The following NHSL2 variants were observed in gnomAD, a reference collection of about 807,000 sequenced individuals.
The protein encoded by NHSL2 is NHS like 2, also known as NHS-like protein 2.
In NHSL2, 27 loss-of-function variants were observed where a neutral mutation model predicts 53.4. That is an observed-to-expected ratio of 0.51 (90% CI 0.37 to 0.70). The LOEUF (loss-of-function observed/expected upper bound fraction) is 0.70, where lower values mean the gene tolerates loss of function less well. Among genes scored for constraint, NHSL2 ranks in the 30% least tolerant of loss-of-function variants. The pLI is 0.00. For missense variants in NHSL2, 892 were observed against 980.1 expected, an observed-to-expected ratio of 0.91 and a Z score of 1.20; for synonymous variants, 408 against 404.1, an observed-to-expected ratio of 1.01 and a Z score of -0.12.
chrX:72,104,210 C>A (rs1280961878), intron 1 of NHSL2, among the ~76,000 whole-genome samples: 1 of 109,446 alleles, frequency 9.1e-6, no homozygotes, highest in Non-Finnish European at 1.9e-5. Context: ...GTCCCATTCA[C>A]GACTACTTCA....
intron 1 of NHSL2, among the ~76,000 whole-genome samples, chrX:71,950,441 A>T (rs1221123995): frequency 8.9e-6 from 1 of 112,635 alleles, no homozygotes; most frequent in East Asian, 2.8e-4. Context: ...CTGGAAAAAA[A>T]GCAGAGTGAG....
chrX:72,015,806 T>C (rs1209800309), intron 1 of NHSL2, among the ~76,000 whole-genome samples: 2 of 112,658 alleles, frequency 1.8e-5, no homozygotes, highest in African/African-American at 3.2e-5. Context: ...TACCTGTCCA[T>C]ATACTTTGCC....
At chrX:72,004,953 G>A (rs960591378) in intron 1 of NHSL2, among the ~76,000 whole-genome samples, 3 of 111,197 alleles carry the variant, frequency 2.7e-5, no homozygotes, top group Non-Finnish European at 5.7e-5. Flanking sequence ...GTTATGGAAG[G>A]CGAGGCATTC....
chrX:72,072,555 C>T (rs191436968), intron 1 of NHSL2, among the ~76,000 whole-genome samples: 51 of 111,837 alleles, frequency 4.6e-4, no homozygotes, highest in African/African-American at 1.6e-3. Flanking sequence ...TTCAGCATTA[C>T]CATGCTTTCA....
chrX:71,942,177 GC>G (rs1602270186), intron 1 of NHSL2, among the ~76,000 whole-genome samples: 2 of 111,975 alleles, frequency 1.8e-5, no homozygotes, highest in African/African-American at 6.5e-5. Flanking sequence ...AGGATTTGAG[GC>G]CCCACTGTGA....
chrX:71,922,248 G>T lies in NHSL2; in HGVS notation c.280+10881G>T, dbSNP rs142967024. Among the ~76,000 whole-genome samples, 36 of 112,271 alleles carry T rather than the reference G, an allele frequency of 3.2e-4. No individual in the cohort carries two copies. The East Asian group carries it at 7.6e-3, about 24-fold the overall frequency. On this transcript the variant is annotated intron_variant, in intron 1 of 7. Transcript: ENST00000633930. ...GAAAGGAAGAGGACTGGGGCAAAGG[G>T]ATCTCTGGGTAGGTGGCTGTGTGTT...
chrX:72,129,759 G>T, intron 1 of NHSL2: 1 of 1,017,136 alleles, frequency 9.8e-7, no homozygotes, highest in Non-Finnish European at 1.3e-6. Flanking sequence ...AATGGGGCAG[G>T]TATGGCAGCA....
chrX:72,077,723 C>T, intron 1 of NHSL2, among the ~76,000 whole-genome samples: 1 of 112,712 alleles, frequency 8.9e-6, no homozygotes, highest in South Asian at 3.6e-4. Flanking sequence ...CCACCTCCAG[C>T]CCAGAGGGAT....
At chrX:72,133,827 T>G in intron 2 of NHSL2, 1 of 279,224 alleles carries the variant, frequency 3.6e-6, no homozygotes, top group Non-Finnish European at 6.3e-6. Context: ...GCACTCAAGG[T>G]GGGGATCATT....
At position 72,148,835 on chromosome X, in the gene NHSL2, A is replaced by AGTGTGTGTGTGT. The variant is rs1176922210; in HGVS notation, c.*5265_*5266insGTGTGTGTGTGT. 3.1e-4 allele frequency: 8 copies of AGTGTGTGTGTGT among 25,461 alleles called. No homozygotes were observed. The highest frequency in any genetic ancestry group is 7.7e-4 in the African/African-American group (8 of 10,452). The allele number at this position is 25,461 out of a possible 1,213,427, so 2.1% of individuals were successfully genotyped here. On this transcript the variant is annotated 3_prime_UTR_variant, in exon 8 of 8. Transcript: ENST00000633930. The stretch of plus-strand genomic sequence containing the variant: ...GAGAGGGAGAAAGAGAGAGAGAGAG[A>AGTGTGTGTGTGT]GTGTATGTGTGTGTGTGTGTGTGTG...
chrX:72,004,852 T>G (rs1251308923), intron 1 of NHSL2, among the ~76,000 whole-genome samples: 1 of 108,486 alleles, frequency 9.2e-6, no homozygotes, highest in Non-Finnish European at 1.9e-5. Flanking sequence ...AAGTTTTATG[T>G]GCTATCCAAG....
chrX:71,914,232 T>C (rs1252279524), intron 1 of NHSL2, among the ~76,000 whole-genome samples: 1 of 112,388 alleles, frequency 8.9e-6, no homozygotes, highest in African/African-American at 3.2e-5. Context: ...ATGGCATCTG[T>C]GGCCTGTACA....
At position 72,035,836 on chromosome X, in the gene NHSL2, C is replaced by A. The variant is rs1367115584; in HGVS notation, c.281-96243C>A. On this transcript the variant is annotated intron_variant, in intron 1 of 7. Transcript: ENST00000633930. ...TATGTTTACAGCAGGGGTCCCCAAC[C>A]CCCAGGCCATAGATCGATACCAGTC... 5.4e-5 allele frequency among the ~76,000 whole-genome samples: 6 copies of A among 111,721 alleles called. No homozygotes were observed. In the Admixed American group the frequency reaches 5.7e-4, roughly 11 times the overall value.
intron 1 of NHSL2, among the ~76,000 whole-genome samples, chrX:72,000,556 T>G (rs765761879): frequency 8.9e-6 from 1 of 112,318 alleles, no homozygotes; most frequent in East Asian, 2.8e-4. Context: ...AAAATCAAGA[T>G]GCTAGCAGGG....
In NHSL2 at chrX:72,152,118, T is replaced by A. The variant is rs1045989107; in HGVS notation, c.*8544T>A. 1 of 112,923 alleles carries A rather than the reference T, an allele frequency of 8.9e-6. No individual in the cohort carries two copies. Among genetic ancestry groups the A allele is most frequent in the African/African-American group, 3.2e-5 (1 of 31,003 alleles). 9.3% of individuals were successfully genotyped at this position (112,923 alleles called of 1,213,427 possible). A position where few individuals can be genotyped will look rare whatever the true frequency, so the allele number is the denominator to read the frequency against. On this transcript the variant is annotated 3_prime_UTR_variant, in exon 8 of 8. Coordinates refer to ENST00000633930, the MANE Select transcript of NHSL2 (RefSeq NM_001013627.3). ...ACACCACCTCCTCCTGTGTTTTGAA[T>A]CTCTAAATGAATTCTGTTCTAAAGC...
intron 1 of NHSL2, among the ~76,000 whole-genome samples, chrX:71,953,197 T>TC (rs980230658): frequency 2.7e-5 from 3 of 111,255 alleles, no homozygotes; most frequent in Non-Finnish European, 5.7e-5. Flanking sequence ...GCTCTAAACC[T>TC]GGATCCCTGT....
chrX:71,987,645 G>A (rs776119904), intron 1 of NHSL2, among the ~76,000 whole-genome samples: 43 of 112,446 alleles, frequency 3.8e-4, no homozygotes, highest in Non-Finnish European at 6.2e-4. Flanking sequence ...AAAAGGCTTT[G>A]TACTTTTACT....
rs370641288 is a variant in NHSL2, at chrX:72,140,398, G to A, written c.2850G>A (p.Thr950=). ...ESTAPSSLVF[T]PFASSSDAFF... is the part of the protein sequence containing the mutation. ...CAGCACCCTCATCTCTTGTTTTCAC[G>A]CCTTTTGCCAGTTCCTCTGATGCTT... Residue 950 remains threonine, a synonymous_variant, in exon 6 of 8, where the codon ACG becomes ACA. Transcript: ENST00000633930. The A allele has an allele frequency of 2.7e-4, 324 of 1,208,453 alleles. No homozygotes were observed. The South Asian group carries it at 5.2e-3, about 19-fold the overall frequency.
At chrX:72,137,999 T>G (rs146335189) in intron 5 of NHSL2, among the ~76,000 whole-genome samples, 114 of 111,597 alleles carry the variant, frequency 1.0e-3, no homozygotes, top group African/African-American at 3.4e-3. Context: ...GCAACCAGAC[T>G]CTTAGCTTTG....
Sources: gnomAD v4.1 joint callset for allele counts (sites outside exome capture counted in the v4.1 genomes callset) on GRCh38, gnomAD v4.1.1 for gene constraint, MANE v1.5 for transcripts, NCBI Gene and HGNC (gene_info 2026-07-23, HGNC 2026-07-21) for gene names.